PAF1: variants seen among roughly 807,000 people sequenced by gnomAD.
PAF1 encodes the protein PAF1 component of Paf1/RNA polymerase II complex.
PAF1 carries 31 observed loss-of-function variants against 68.4 expected under a neutral mutation model. The ratio of observed to expected loss-of-function variants is 0.45; its 90% CI spans 0.34 to 0.61. PAF1 has a LOEUF of 0.61. PAF1 is among the 20% of genes least tolerant of loss of function. The probability of loss-of-function intolerance (pLI) is 0.01; values close to 1 mark genes in which losing one functional copy is unlikely to be tolerated. For missense variants in PAF1, 435 were observed against 692.9 expected, an observed-to-expected ratio of 0.63 and a Z score of 4.18; for synonymous variants, 256 against 240.5, an observed-to-expected ratio of 1.06 and a Z score of -0.60.
rs1230400782 is a variant in PAF1 at position 39,389,968 on chromosome 19, G to A, written c.170+101C>T. ...GCAGCTACTACTATGTGCTAGGGTA[G>A]GTACTGTGCTAGGCCCTGAGCAGAC... is the stretch of plus-strand genomic sequence containing the variant. On this transcript the variant is annotated intron_variant, in intron 3 of 13. Transcript: ENST00000221265. This position sits in a 1 kb window ranked among gnomAD's most constrained non-coding sequence, Gnocchi z 5.3. 6.5e-6 allele frequency: 7 copies of A among 1,078,704 alleles called. No individual in the cohort carries two copies. Among genetic ancestry groups the A allele is most frequent in the Admixed American group, 1.7e-5 (1 of 57,146 alleles). The allele number at this position is 1,078,704 out of a possible 1,614,324, so 66.8% of individuals were successfully genotyped here. A position where few individuals can be genotyped will look rare whatever the true frequency, so the allele number is the denominator to read the frequency against.
Position 39,386,144 on chromosome 19 carries a change from A to G in PAF1, c.1443T>C (p.Asp481=). The part of the protein sequence containing the change: ...RGQAQGGSDN[D]SDSGSNGGGQ... ...CACCCCCATTGCTGCCGCTGTCTGAATCATTGTCACTGCCACCTTGGGCCT... is the reference window on the plus strand; with the variant it reads ...CACCCCCATTGCTGCCGCTGTCTGAGTCATTGTCACTGCCACCTTGGGCCT... Residue 481 remains aspartate (D), a synonymous_variant, in exon 14 of 14, where the codon GAT becomes GAC. Coordinates refer to ENST00000221265, the MANE Select transcript of PAF1 (RefSeq NM_019088.4). The surrounding 1 kb of genome is among the most constrained non-coding windows in gnomAD (Gnocchi z 6.1). 1.2e-6 allele frequency: 2 copies of G among 1,614,138 alleles called. No homozygotes were observed. Among genetic ancestry groups the G allele is most frequent in the Non-Finnish European group, 1.7e-6 (2 of 1,180,020 alleles).
In PAF1 at chr19:39,389,697, C is replaced by A. The variant is rs2078331295; in HGVS notation, c.235G>T (p.Asp79Tyr). The A allele has an allele frequency of 6.2e-7, 1 of 1,614,152 alleles. No individual in the cohort carries two copies. Among genetic ancestry groups the A allele is most frequent in the Non-Finnish European group, 8.5e-7 (1 of 1,180,000 alleles). Residue 79 changes from aspartate (D) to tyrosine (Y), a missense_variant, in exon 4 of 14, where the codon GAC (aspartate) becomes TAC (tyrosine). Asp to Tyr is a radical substitution (Grantham distance 160). This residue lies in a region of PAF1 where 77 missense variants were observed against 118.2 expected (regional missense o/e 0.65). Transcript: ENST00000221265. This position sits in a 1 kb window ranked among gnomAD's most constrained non-coding sequence, Gnocchi z 5.3. Reference sequence around the variant, plus strand: ...ATGAGATCGATGGTGACCCCCAGGTCTGGCTCAGTCAGGAGGTCATGTTTG... The same window carrying A: ...ATGAGATCGATGGTGACCCCCAGGTATGGCTCAGTCAGGAGGTCATGTTTG... ...QHKHDLLTEP[D>Y]LGVTIDLINP...
intron 11 of PAF1, among the ~76,000 whole-genome samples, chr19:39,387,516 G>T (rs2078279154): frequency 6.6e-6 from 1 of 152,154 alleles, no homozygotes; most frequent in African/African-American, 2.4e-5. Context: ...AGAACTCCAG[G>T]TCACTCAGAT....
At position 39,386,846 on chromosome 19, in the gene PAF1, GAC is replaced by G. The variant is rs1458751975; in HGVS notation, c.987-49_987-48del. On this transcript the variant is annotated intron_variant, in intron 11 of 13. Coordinates refer to ENST00000221265, the MANE Select transcript of PAF1 (RefSeq NM_019088.4). This position sits in a 1 kb window ranked among gnomAD's most constrained non-coding sequence, Gnocchi z 6.1. ...GAGAGAAGTGGAAGATGCAGTTAAA[GAC>G]ACACCTCCCACTTCCCCGCCCCCCA... 3 of 1,308,554 alleles carry G rather than the reference GAC, an allele frequency of 2.3e-6. No homozygotes were observed. The highest frequency in any genetic ancestry group is 3.3e-6 in the Non-Finnish European group (3 of 902,162). The allele number at this position is 1,308,554 out of a possible 1,614,324, so 81.1% of individuals were successfully genotyped here.
chr19:39,390,718 T>C (rs2078361519), intron 1 of PAF1, 100 bp downstream of exon 1: 1 of 1,282,342 alleles, frequency 7.8e-7, no homozygotes, highest in East Asian at 2.5e-5. Flanking sequence ...AGGTGAGCGC[T>C]TCATGACGTC....
rs895260716 is a variant in PAF1 at position 39,386,878 on chromosome 19, G to A, written c.987-79C>T. The A allele has an allele frequency of 2.3e-5, 22 of 966,064 alleles. No individual in the cohort carries two copies. Among genetic ancestry groups the A allele is most frequent in the Non-Finnish European group, 3.0e-5 (18 of 595,796 alleles). The allele number at this position is 966,064 out of a possible 1,614,324, so 59.8% of individuals were successfully genotyped here. A position where few individuals can be genotyped will look rare whatever the true frequency, so the allele number is the denominator to read the frequency against. ...CTCCCACTTCCCCGCCCCCCAGTGA[G>A]GGGTCTGGTCTGACTTGGTTCCCCA... On this transcript the variant is annotated intron_variant, in intron 11 of 13. Transcript: ENST00000221265. The surrounding 1 kb of genome is among the most constrained non-coding windows in gnomAD (Gnocchi z 6.1).
Position 39,386,868 on chromosome 19 carries a change from C to A in PAF1, c.987-69G>T. The A allele has an allele frequency of 1.9e-6, 2 of 1,051,886 alleles. No individual in the cohort carries two copies. The highest frequency in any genetic ancestry group is 2.5e-5 in the South Asian group (2 of 79,392). 65.2% of individuals were successfully genotyped at this position (1,051,886 alleles called of 1,614,324 possible). A position where few individuals can be genotyped will look rare whatever the true frequency, so the allele number is the denominator to read the frequency against. ...AAAGACACACCTCCCACTTCCCCGC[C>A]CCCCAGTGAGGGGTCTGGTCTGACT... is the stretch of plus-strand genomic sequence containing the variant. On this transcript the variant is annotated intron_variant, in intron 11 of 13. Coordinates refer to ENST00000221265, the MANE Select transcript of PAF1 (RefSeq NM_019088.4). The surrounding 1 kb of genome is among the most constrained non-coding windows in gnomAD (Gnocchi z 6.1).
Position 39,385,698 on chromosome 19 carries a change from G to T in PAF1, c.*293C>A. 3.9e-6 allele frequency: 2 copies of T among 515,932 alleles called. No individual in the cohort carries two copies. Among genetic ancestry groups the T allele is most frequent in the South Asian group, 3.3e-5 (1 of 30,048 alleles). The allele number at this position is 515,932 out of a possible 1,614,324, so 32.0% of individuals were successfully genotyped here. On this transcript the variant is annotated 3_prime_UTR_variant, in exon 14 of 14. Transcript: ENST00000221265. ...AAAAAAAAAAACAAACAAAAAAAAC[G>T]AATTCTGACCTTCGTTGTGCTACAT...
In PAF1 at chr19:39,389,791, TG is replaced by T. The variant is rs772729184; in HGVS notation, c.171-31del. ...GTGGGGAAACACCTATTGTGGTGTT[TG>T]GATTCCAGCTTCACCCCTCACAGCC... is the stretch of plus-strand genomic sequence containing the variant. On this transcript the variant is annotated intron_variant, in intron 3 of 13. Transcript: ENST00000221265. The surrounding 1 kb of genome is among the most constrained non-coding windows in gnomAD (Gnocchi z 5.3). The T allele has an allele frequency of 1.6e-5, 26 of 1,613,536 alleles. No homozygotes were observed. Among genetic ancestry groups the T allele is most frequent in the African/African-American group, 2.7e-5 (2 of 74,900 alleles).
chr19:39,386,339 G>A lies in PAF1; in HGVS notation c.1248C>T (p.Ser416=), dbSNP rs56222321. 3,166 of 1,614,012 alleles carry A rather than the reference G, an allele frequency of 2.0e-3. 5 individuals are homozygous for A. Among genetic ancestry groups the A allele is most frequent in the Middle Eastern group, 4.5e-3 (27 of 6,062 alleles). ...KEGSEDEHSG[S]ESEREEGDRD... ...TGTCACCTTCCTCCCGTTCACTCTC[G>A]CTGCCCGAGTGCTCATCTTCACTGC... Residue 416 remains serine (S), a synonymous_variant, in exon 14 of 14, where the codon AGC becomes AGT. Coordinates refer to ENST00000221265, the MANE Select transcript of PAF1 (RefSeq NM_019088.4). The surrounding 1 kb of genome is among the most constrained non-coding windows in gnomAD (Gnocchi z 6.1).
rs1463810199 is a variant in PAF1 at position 39,386,645 on chromosome 19, A to G, written c.1092+49T>C. ...GTTTTTGTCCCCCTCCTCACCTACA[A>G]CCACCACCCTCCCTGCCATGGGTGC... On this transcript the variant is annotated intron_variant, in intron 12 of 13. Transcript: ENST00000221265. The surrounding 1 kb of genome is among the most constrained non-coding windows in gnomAD (Gnocchi z 6.1). 6.3e-7 allele frequency: 1 copy of G among 1,598,132 alleles called. No individual in the cohort carries two copies.
At position 39,386,790 on chromosome 19, in the gene PAF1, A is replaced by G. The variant is rs780184059; in HGVS notation, c.996T>C (p.Leu332=). Residue 332 remains leucine, a synonymous_variant, in exon 12 of 14, where the codon CTT becomes CTC. Transcript: ENST00000221265. The surrounding 1 kb of genome is among the most constrained non-coding windows in gnomAD (Gnocchi z 6.1). The part of the protein sequence containing the change: ...YYNELETRVR[L]SKRRAKAGVQ... ...CCCCAGCCTTGGCCCGGCGCTTACT[A>G]AGGCGGACCCTGCAGGGGGTGAATT... 2.0e-5 allele frequency: 32 copies of G among 1,612,642 alleles called. No homozygotes were observed. The highest frequency in any genetic ancestry group is 2.6e-5 in the Non-Finnish European group (31 of 1,178,756).
At position 39,389,530 on chromosome 19, in the gene PAF1, A is replaced by T. The variant is rs1010301325; in HGVS notation, c.309T>A (p.Ala103=). The change falls in exon 5 of 14, where the codon GCT becomes GCA. Residue 103 remains alanine, a synonymous_variant. Transcript: ENST00000221265. The surrounding 1 kb of genome is among the most constrained non-coding windows in gnomAD (Gnocchi z 5.3). The part of the protein sequence containing the change: ...RIDPNVLLDP[A]DEKLLEEEIQ... ...TCTCCTCTTCCAAAAGTTTCTCATC[A>T]GCTGGATCTAGAAGAACTAGAGGAG... 1 of 1,614,066 alleles carries T rather than the reference A, an allele frequency of 6.2e-7. No individual in the cohort carries two copies. Among genetic ancestry groups the T allele is most frequent in the Non-Finnish European group, 8.5e-7 (1 of 1,180,040 alleles).
chr19:39,388,170 C>CTGT (rs1291937167), intron 11 of PAF1, among the ~76,000 whole-genome samples, 169 bp downstream of exon 11: 3 of 152,140 alleles, frequency 2.0e-5, no homozygotes, highest in African/African-American at 7.2e-5. Context: ...CTGGCTCCTC[C>CTGT]TGTTAGAACC....
At position 39,390,137 on chromosome 19, in the gene PAF1, C is replaced by T. The variant is rs2078343555; in HGVS notation, c.102G>A (p.Lys34=). The T allele has an allele frequency of 6.2e-7, 1 of 1,613,994 alleles. No homozygotes were observed. The highest frequency in any genetic ancestry group is 1.7e-5 in the Admixed American group (1 of 59,992). The change falls in exon 3 of 14, where the codon AAG becomes AAA. Residue 34 remains lysine, a synonymous_variant. Coordinates refer to ENST00000221265, the MANE Select transcript of PAF1 (RefSeq NM_019088.4). ...GGATATCAGGGAGGCTATTGCAGTA[C>T]TTGACTCGGCAGACCACTCCAGACC... ...PERSGVVCRV[K]YCNSLPDIPF...
chr19:39,386,780 G>T lies in PAF1; in HGVS notation c.1006C>A (p.Arg336=), dbSNP rs144362327. The T allele has an allele frequency of 3.1e-6, 5 of 1,613,852 alleles. No homozygotes were observed. The highest frequency in any genetic ancestry group is 4.2e-6 in the Non-Finnish European group (5 of 1,179,732). Residue 336 remains arginine (R), a synonymous_variant, in exon 12 of 14, where the codon CGG becomes AGG. Coordinates refer to ENST00000221265, the MANE Select transcript of PAF1 (RefSeq NM_019088.4). The surrounding 1 kb of genome is among the most constrained non-coding windows in gnomAD (Gnocchi z 6.1). ...LETRVRLSKR[R]AKAGVQSGTN... ...CCTGACTGAACCCCAGCCTTGGCCC[G>T]GCGCTTACTAAGGCGGACCCTGCAG...
In PAF1 at chr19:39,390,104, G is replaced by A. The variant is rs2078342831; in HGVS notation, c.135C>T (p.Asp45=). 1 of 1,613,938 alleles carries A rather than the reference G, an allele frequency of 6.2e-7. No homozygotes were observed. The highest frequency in any genetic ancestry group is 1.3e-5 in the African/African-American group (1 of 74,906). Residue 45 remains aspartate (D), a synonymous_variant, in exon 3 of 14, where the codon GAC becomes GAT. Transcript: ENST00000221265. ...YCNSLPDIPF[D]PKFITYPFDQ... ...CGAAGGGGTAGGTGATGAACTTGGG[G>A]TCGAAGGGGATATCAGGGAGGCTAT...
Position 39,385,874 on chromosome 19 carries a change from A to C in PAF1, c.*117T>G. Reference sequence around the variant, plus strand: ...AAGTAAAGAGAAGTTGACTTTATTAACAGCAAAGGTTTGGGGGTGGGGAAC... The same window carrying C: ...AAGTAAAGAGAAGTTGACTTTATTACCAGCAAAGGTTTGGGGGTGGGGAAC... On this transcript the variant is annotated 3_prime_UTR_variant, in exon 14 of 14. Coordinates refer to ENST00000221265, the MANE Select transcript of PAF1 (RefSeq NM_019088.4). 1 of 1,450,314 alleles carries C rather than the reference A, an allele frequency of 6.9e-7. No homozygotes were observed. The highest frequency in any genetic ancestry group is 1.3e-5 in the South Asian group (1 of 75,620). 89.8% of individuals were successfully genotyped at this position (1,450,314 alleles called of 1,614,324 possible). A position where few individuals can be genotyped will look rare whatever the true frequency, so the allele number is the denominator to read the frequency against.
rs1229682209 is a variant in PAF1, at chr19:39,389,780, A to G, written c.171-19T>C. 5 of 1,613,678 alleles carry G rather than the reference A, an allele frequency of 3.1e-6. No homozygotes were observed. Among genetic ancestry groups the G allele is most frequent in the Admixed American group, 1.7e-5 (1 of 60,018 alleles). On this transcript the variant is annotated intron_variant, in intron 3 of 13. Coordinates refer to ENST00000221265, the MANE Select transcript of PAF1 (RefSeq NM_019088.4). The surrounding 1 kb of genome is among the most constrained non-coding windows in gnomAD (Gnocchi z 5.3). ...GACGAACCTGGGTGGGGAAACACCT[A>G]TTGTGGTGTTTGGATTCCAGCTTCA...
Sources: gnomAD v4.1 joint callset for allele counts (sites outside exome capture counted in the v4.1 genomes callset) on GRCh38, gnomAD v4.1.1 for gene constraint, gnomAD v4.1.1 regional missense constraint, Gnocchi (gnomAD v3.1) non-coding constraint, MANE v1.5 for transcripts, NCBI Gene and HGNC (gene_info 2026-07-23, HGNC 2026-07-21) for gene names.